COLGALT2: variants seen among roughly 807,000 people sequenced by gnomAD.
COLGALT2 encodes procollagen galactosyltransferase 2.
In COLGALT2, 49 loss-of-function variants were observed where a neutral mutation model predicts 73.4. The ratio of observed to expected loss-of-function variants is 0.67; its 90% CI spans 0.53 to 0.85. The LOEUF is 0.85. COLGALT2 is among the 40% of genes least tolerant of loss of function. The pLI is 0.00. For missense variants in COLGALT2, 722 were observed against 790.2 expected, an observed-to-expected ratio of 0.91 and a Z score of 1.03; for synonymous variants, 295 against 307.6, an observed-to-expected ratio of 0.96 and a Z score of 0.43.
intron 8 of COLGALT2, among the ~76,000 whole-genome samples, chr1:183,947,654 CAA>C (rs1249340356): frequency 6.6e-6 from 1 of 152,008 alleles, no homozygotes; most frequent in African/African-American, 2.4e-5. Flanking sequence ...TAGAATATCT[CAA>C]ATAATAATCC....
intron 1 of COLGALT2, among the ~76,000 whole-genome samples, chr1:184,019,859 T>C (rs2102854035): frequency 6.6e-6 from 1 of 152,306 alleles, no homozygotes; most frequent in Non-Finnish European, 1.5e-5. Context: ...TGCATATGTT[T>C]GCTCCATGCC....
intron 1 of COLGALT2, among the ~76,000 whole-genome samples, chr1:183,983,882 T>A (rs1385353233): frequency 6.6e-6 from 1 of 152,182 alleles, no homozygotes; most frequent in Non-Finnish European, 1.5e-5. Flanking sequence ...AAACAAATGA[T>A]GTGCAAGGAC....
At chr1:183,939,862 G>A (rs1314096971) in intron 11 of COLGALT2, among the ~76,000 whole-genome samples, 1 of 152,230 alleles carries the variant, frequency 6.6e-6, no homozygotes, top group East Asian at 1.9e-4. Context: ...AGGAGCTGCT[G>A]TTATGTGTAG....
chr1:184,019,147 A>T (rs917251714), intron 1 of COLGALT2, among the ~76,000 whole-genome samples: 2 of 152,100 alleles, frequency 1.3e-5, no homozygotes, highest in African/African-American at 4.8e-5. Context: ...ACTCTATGGG[A>T]GGCACAATAA....
rs771935919 is a variant in COLGALT2 at position 183,938,334 on chromosome 1, C to T, written c.*427G>A. ...CACAAGTTTTCAATGTCATATAAAA[C>T]GGACAAACTAGACCAATAAGTGTGG... On this transcript the variant is annotated 3_prime_UTR_variant, in exon 12 of 12. Coordinates refer to ENST00000361927, the MANE Select transcript of COLGALT2 (RefSeq NM_015101.4). 293 of 996,004 alleles carry T rather than the reference C, an allele frequency of 2.9e-4. 1 individual carries two copies. The highest frequency in any genetic ancestry group is 1.3e-4 in the Non-Finnish European group (105 of 835,912). The allele number at this position is 996,004 out of a possible 1,614,324, so 61.7% of individuals were successfully genotyped here.
chr1:183,951,281 C>T (rs1415715402), intron 7 of COLGALT2, among the ~76,000 whole-genome samples, 168 bp from the exon 8 acceptor site: 1 of 152,186 alleles, frequency 6.6e-6, no homozygotes, highest in Admixed American at 6.5e-5. Flanking sequence ...GTAAATGATA[C>T]TAATTCAAAC....
chr1:183,935,615 C>G (rs1178084040), downstream of COLGALT2, among the ~76,000 whole-genome samples: 2 of 152,184 alleles, frequency 1.3e-5, no homozygotes, highest in African/African-American at 4.8e-5. Context: ...TCTTTCTGTA[C>G]CTTGGAATCC....
At position 183,936,320 on chromosome 1, in the gene COLGALT2, A is replaced by AT. The variant is rs1419775942; in HGVS notation, c.*2440_*2441insA. On this transcript the variant is annotated 3_prime_UTR_variant, in exon 12 of 12. Transcript: ENST00000361927. Reference sequence around the variant, plus strand: ...GCTGAAGAGATGACTTTAAAAAAAAAGTCACATCTGCGGCTCACAGTGTTC... The same window carrying AT: ...GCTGAAGAGATGACTTTAAAAAAAAATGTCACATCTGCGGCTCACAGTGTTC... 1.0e-6 allele frequency: 1 copy of AT among 984,314 alleles called. No individual in the cohort carries two copies. The highest frequency in any genetic ancestry group is 1.2e-6 in the Non-Finnish European group (1 of 829,420). 61.0% of individuals were successfully genotyped at this position (984,314 alleles called of 1,614,324 possible). A position where few individuals can be genotyped will look rare whatever the true frequency, so the allele number is the denominator to read the frequency against.
intron 1 of COLGALT2, among the ~76,000 whole-genome samples, chr1:184,018,672 A>G (rs1410307887): frequency 6.6e-6 from 1 of 152,240 alleles, no homozygotes; most frequent in Non-Finnish European, 1.5e-5. Flanking sequence ...ATTAAGTAAT[A>G]GGTAATACTG....
At chr1:184,022,044 T>C (rs1047982906) in intron 1 of COLGALT2, among the ~76,000 whole-genome samples, 1 of 152,244 alleles carries the variant, frequency 6.6e-6, no homozygotes, top group Admixed American at 6.5e-5. Flanking sequence ...GCTGTAGCCA[T>C]GTGTAACCCT....
At chr1:183,980,784 T>C (rs532272269) in intron 1 of COLGALT2, among the ~76,000 whole-genome samples, 1 of 152,096 alleles carries the variant, frequency 6.6e-6, no homozygotes, top group South Asian at 2.1e-4. Context: ...CAGACCAATA[T>C]CCTTTAATGC....
chr1:183,930,569 CTTTTT>C (rs397861890), intron 11 of COLGALT2, among the ~76,000 whole-genome samples: 13 of 114,064 alleles, frequency 1.1e-4, no homozygotes, highest in East Asian at 2.8e-4. Flanking sequence ...TTTTCTTTTT[CTTTTT>C]TTTTTTTTTT....
chr1:183,947,507 A>G (rs1464035291), intron 8 of COLGALT2, among the ~76,000 whole-genome samples: 2 of 152,204 alleles, frequency 1.3e-5, no homozygotes, highest in Non-Finnish European at 2.9e-5. Flanking sequence ...CTCCTAACCA[A>G]TGGGTCAAAG....
At chr1:183,972,472 A>G (rs1475667905) in intron 4 of COLGALT2, among the ~76,000 whole-genome samples, 2 of 152,188 alleles carry the variant, frequency 1.3e-5, no homozygotes, top group Non-Finnish European at 2.9e-5. Context: ...AGTTGAATTT[A>G]TCTAATTCTT....
chr1:184,006,101 T>G (rs994629521), intron 1 of COLGALT2, among the ~76,000 whole-genome samples: 1 of 152,232 alleles, frequency 6.6e-6, no homozygotes, highest in African/African-American at 2.4e-5. Context: ...ATGTACAGTT[T>G]TCTATGCTCT....
chr1:184,023,655 G>A (rs1307293112), intron 1 of COLGALT2, among the ~76,000 whole-genome samples: 7 of 148,222 alleles, frequency 4.7e-5, no homozygotes, highest in Non-Finnish European at 9.0e-5. Flanking sequence ...GGGGGGGGGG[G>A]CGGTGCCGGA....
intron 1 of COLGALT2, among the ~76,000 whole-genome samples, chr1:183,990,736 T>C (rs968152030): frequency 3.9e-5 from 6 of 152,172 alleles, no homozygotes; most frequent in African/African-American, 1.4e-4. Context: ...GAGTCTGATG[T>C]GTTTGTGGAA....
Position 183,938,583 on chromosome 1 carries a change from T to G in COLGALT2, c.*178A>C. ...TTGGGAAATTTGGGTTGAATTTCCT[T>G]ATTTCCTTCCATGGTCAAAAATATG... is the stretch of plus-strand genomic sequence containing the variant. On this transcript the variant is annotated 3_prime_UTR_variant, in exon 12 of 12. Transcript: ENST00000361927. 2.1e-6 allele frequency: 3 copies of G among 1,425,072 alleles called. No individual in the cohort carries two copies. Among genetic ancestry groups the G allele is most frequent in the Non-Finnish European group, 2.7e-6 (3 of 1,091,406 alleles). 88.3% of individuals were successfully genotyped at this position (1,425,072 alleles called of 1,614,324 possible).
intron 1 of COLGALT2, among the ~76,000 whole-genome samples, chr1:183,983,055 A>T (rs1383374917): frequency 6.6e-6 from 1 of 152,268 alleles, no homozygotes; most frequent in Non-Finnish European, 1.5e-5. Context: ...ATGCAGAGGT[A>T]CAGATGTCTA....
Sources: allele counts gnomAD v4.1 joint callset (sites outside exome capture counted in the v4.1 genomes callset), GRCh38; gene constraint gnomAD v4.1.1; transcripts MANE v1.5; gene names NCBI Gene and HGNC (gene_info 2026-07-23, HGNC 2026-07-21).